The following CDH13 variants were observed in gnomAD, a reference collection of about 807,000 sequenced individuals.
CDH13 encodes cadherin-13.
A neutral mutation model predicts 63.8 loss-of-function variants in CDH13; 24 were observed. The observed-to-expected ratio is 0.38, with a 90% confidence interval of 0.27 to 0.53. CDH13 has a LOEUF of 0.53. Among genes scored for constraint, CDH13 ranks in the 20% least tolerant of loss-of-function variants. The pLI, the probability that CDH13 is intolerant of heterozygous loss-of-function variation, is 0.85. For synonymous variants in CDH13, 503 were observed against 355.3 expected (o/e 1.42, Z -4.67); for missense variants, 1,049 against 903.1 (o/e 1.16, Z -2.07).
chr16:83,624,771 A>G (rs1242827597), intron 8 of CDH13, among the ~76,000 whole-genome samples: 1 of 152,152 alleles, frequency 6.6e-6, no homozygotes, highest in Non-Finnish European at 1.5e-5. Flanking sequence ...GGTTGACTGC[A>G]CCAACGTGAC....
At position 82,757,063 on chromosome 16, in the gene CDH13, C is replaced by T. The variant is rs565434631; in HGVS notation, c.46-101299C>T. ...CCATCAGGATCCATGGGGACATTGA[C>T]GCTCCTCCATCACTCTCACCTCCAG... On this transcript the variant is annotated intron_variant, in intron 1 of 13. Coordinates refer to ENST00000567109, the MANE Select transcript of CDH13 (RefSeq NM_001257.5). 7.9e-5 allele frequency among the ~76,000 whole-genome samples: 12 copies of T among 152,198 alleles called. No homozygotes were observed. In the South Asian group the frequency reaches 2.1e-3, roughly 26 times the overall value.
chr16:83,440,242 G>A (rs144921101), intron 6 of CDH13, among the ~76,000 whole-genome samples: 13 of 152,316 alleles, frequency 8.5e-5, no homozygotes, highest in South Asian at 2.1e-4. Flanking sequence ...CTTAGGACAC[G>A]GAAAGGAGTT....
At chr16:83,105,675 G>A (rs1033617229) in intron 3 of CDH13, among the ~76,000 whole-genome samples, 2 of 151,956 alleles carry the variant, frequency 1.3e-5, no homozygotes, top group African/African-American at 4.8e-5. Flanking sequence ...AAAAAATAAA[G>A]CCTGCATTTG....
chr16:83,632,443 T>C (rs963472905), intron 8 of CDH13, among the ~76,000 whole-genome samples: 3 of 152,090 alleles, frequency 2.0e-5, no homozygotes, highest in African/African-American at 7.2e-5. Flanking sequence ...AGGTGCTGAA[T>C]GCTTTCTGTT....
At chr16:82,719,427 C>G (rs1019482582) in intron 1 of CDH13, 1 of 455,816 alleles carries the variant, frequency 2.2e-6, no homozygotes, top group African/African-American at 2.0e-5. Flanking sequence ...GGCTTGGAGT[C>G]TGAGGCTCAG....
intron 5 of CDH13, among the ~76,000 whole-genome samples, chr16:83,252,572 T>C (rs553793940): frequency 1.5e-4 from 23 of 152,256 alleles, no homozygotes; most frequent in African/African-American, 5.1e-4. Context: ...AAGTGACATG[T>C]TGCAAGCAGT....
rs1914436024 is a variant in CDH13 at position 83,670,821 on chromosome 16, G to C, written c.1133G>C (p.Gly378Ala). ...GCCACAGTCGAGGAAGGAGCTGTGG[G>C]AGTTATTGTCAATTTGACAGTTGAA... Reference protein sequence around the residue: ...FQATVEEGAVGVIVNLTVEDK... With the variant: ...FQATVEEGAVAVIVNLTVEDK... Residue 378 changes from glycine to alanine, a missense_variant, in exon 9 of 14, where the codon GGA (glycine) becomes GCA (alanine). Coordinates refer to ENST00000567109, the MANE Select transcript of CDH13 (RefSeq NM_001257.5). 2.5e-6 allele frequency: 4 copies of C among 1,613,946 alleles called. No individual in the cohort carries two copies. In the South Asian group the frequency reaches 4.4e-5, roughly 18 times the overall value.
At chr16:83,382,738 C>T (rs1162159540) in intron 6 of CDH13, among the ~76,000 whole-genome samples, 1 of 152,190 alleles carries the variant, frequency 6.6e-6, no homozygotes, top group Non-Finnish European at 1.5e-5. Flanking sequence ...AACCTCAGAT[C>T]TGTCCAGCTG....
intron 10 of CDH13, among the ~76,000 whole-genome samples, chr16:83,687,228 G>C (rs1904392498): frequency 1.3e-5 from 2 of 152,032 alleles, no homozygotes; most frequent in African/African-American, 2.4e-5. Context: ...AAAAAATGTA[G>C]ACATAGCTTG....
intron 9 of CDH13, among the ~76,000 whole-genome samples, chr16:83,677,353 T>C (rs1041752841): frequency 6.6e-6 from 1 of 152,214 alleles, no homozygotes; most frequent in African/African-American, 2.4e-5. Flanking sequence ...GTGGTCCTCA[T>C]CAACGCTGCC....
At chr16:82,929,651 CAAAAAAAAAAAAAAA>C (rs71146097) in intron 2 of CDH13, among the ~76,000 whole-genome samples, 7 of 44,272 alleles carry the variant, frequency 1.6e-4, no homozygotes, top group South Asian at 1.3e-3. Flanking sequence ...GACTCCATCT[CAAAAAAAAAAAAAAA>C]AAAAAAAAAA....
At chr16:82,684,707 G>T (rs1304050736) in intron 1 of CDH13, among the ~76,000 whole-genome samples, 2 of 151,988 alleles carry the variant, frequency 1.3e-5, no homozygotes, top group East Asian at 1.9e-4. Context: ...TTTTCCAAAT[G>T]ATTGAGTGCT....
intron 7 of CDH13, among the ~76,000 whole-genome samples, chr16:83,547,360 G>C (rs567940245): frequency 6.6e-6 from 1 of 152,188 alleles, no homozygotes; most frequent in Non-Finnish European, 1.5e-5. Flanking sequence ...TGTTACATAG[G>C]TAAACTCATG....
chr16:83,724,766 AT>A (rs1910180538), intron 10 of CDH13, among the ~76,000 whole-genome samples: 2 of 152,236 alleles, frequency 1.3e-5, no homozygotes, highest in Admixed American at 1.3e-4. Flanking sequence ...GAGCAAGATG[AT>A]TGATGAAGTG....
intron 4 of CDH13, among the ~76,000 whole-genome samples, chr16:83,172,318 G>A (rs554246694): frequency 1.4e-4 from 21 of 152,058 alleles, no homozygotes; most frequent in African/African-American, 2.2e-4. Flanking sequence ...GTGAAACCCC[G>A]TCTCTACTAA....
At chr16:83,229,760 C>A (rs1017566504) in intron 5 of CDH13, among the ~76,000 whole-genome samples, 1 of 152,096 alleles carries the variant, frequency 6.6e-6, no homozygotes, top group Non-Finnish European at 1.5e-5. Context: ...GTTGGAAAGC[C>A]TGCAGGCCCA....
intron 4 of CDH13, among the ~76,000 whole-genome samples, chr16:83,161,798 C>G (rs55681449): frequency 0.016 from 2,456 of 152,278 alleles, 75 homozygotes; most frequent in African/African-American, 0.056. Context: ...CAAACAACAA[C>G]TCTAAAAGAT....
chr16:83,732,217 G>C (rs776952309), intron 10 of CDH13, among the ~76,000 whole-genome samples: 20 of 152,220 alleles, frequency 1.3e-4, no homozygotes, highest in Non-Finnish European at 2.6e-4. Flanking sequence ...TTTCCCATGG[G>C]AGAGTCAACA....
In CDH13 at chr16:83,793,830, A is replaced by T. The variant is rs62045404; in HGVS notation, c.2135-1193A>T. On this transcript the variant is annotated intron_variant, in intron 13 of 13. Transcript: ENST00000567109. ...CTGTCTCTAAAAAAAAAAAAAAAAA[A>T]TTTCTCAGATGTGACTCAGTGAAGG... is the stretch of plus-strand genomic sequence containing the variant. 2.1e-3 allele frequency among the ~76,000 whole-genome samples: 283 copies of T among 136,776 alleles called. 1 individual carries two copies. The highest frequency in any genetic ancestry group is 7.4e-3 in the African/African-American group (274 of 36,882). The allele number at this position is 136,776 out of a possible 152,430, so 89.7% of individuals were successfully genotyped here. A position where few individuals can be genotyped will look rare whatever the true frequency, so the allele number is the denominator to read the frequency against.
Sources: allele counts gnomAD v4.1 joint callset (sites outside exome capture counted in the v4.1 genomes callset), GRCh38; gene constraint gnomAD v4.1.1; transcripts MANE v1.5; gene names NCBI Gene and HGNC (gene_info 2026-07-23, HGNC 2026-07-21).